SULF1: variants seen among roughly 807,000 people sequenced by gnomAD.
The protein encoded by SULF1 is sulfatase 1.
A neutral mutation model predicts 110.5 loss-of-function variants in SULF1; 46 were observed. The observed-to-expected ratio is 0.42, with a 90% CI of 0.33 to 0.53. SULF1 has a LOEUF of 0.53. Among genes scored for constraint, SULF1 ranks in the 20% least tolerant of loss-of-function variants. SULF1 has a pLI of 0.12. For synonymous variants in SULF1, 371 were observed against 387.1 expected (o/e 0.96, Z 0.49); for missense variants, 941 against 1,094.2 (o/e 0.86, Z 1.98).
At chr8:69,602,156 A>AT (rs1295473192) in intron 10 of SULF1, among the ~76,000 whole-genome samples, 2 of 152,098 alleles carry the variant, frequency 1.3e-5, no homozygotes, top group African/African-American at 2.4e-5. Flanking sequence ...ATACGCTGTC[A>AT]TTTAAAAAAA....
chr8:69,579,509 A>G (rs1805903111), intron 6 of SULF1, among the ~76,000 whole-genome samples: 2 of 148,436 alleles, frequency 1.3e-5, no homozygotes, highest in Admixed American at 6.8e-5. Flanking sequence ...AGATCGCACC[A>G]TTGCACTCCA....
At chr8:69,466,805 G>A (rs1808877402) in exon 1 of SULF1, 1 of 152,390 alleles carries the variant, frequency 6.6e-6, no homozygotes, top group East Asian at 1.9e-4. Flanking sequence ...TCACATTCGA[G>A]TGGGGATTAA....
intron 3 of SULF1, among the ~76,000 whole-genome samples, chr8:69,505,765 C>G (rs542971350): frequency 4.6e-5 from 7 of 152,166 alleles, no homozygotes; most frequent in African/African-American, 1.7e-4. Context: ...AAAGTAGACT[C>G]TTTTCCTTTG....
chr8:69,526,798 AAAGGAAGGAAGGAAGGAAGG>A (rs5892198), intron 3 of SULF1, among the ~76,000 whole-genome samples: 21 of 112,286 alleles, frequency 1.9e-4, no homozygotes, highest in South Asian at 3.6e-4. Flanking sequence ...GTCAAGAAAG[AAAGGAAGGAAGGAAGGAAGG>A]AAGGAAGGAA....
At chr8:69,559,318 T>C (rs1263209779) in intron 3 of SULF1, among the ~76,000 whole-genome samples, 2 of 152,246 alleles carry the variant, frequency 1.3e-5, no homozygotes, top group Non-Finnish European at 2.9e-5. Flanking sequence ...TTTTTATTCA[T>C]GTAAGATTTT....
intron 21 of SULF1, among the ~76,000 whole-genome samples, chr8:69,640,069 A>G (rs1811340036): frequency 6.6e-6 from 1 of 151,776 alleles, no homozygotes; most frequent in Non-Finnish European, 1.5e-5. Context: ...AATCTTACAA[A>G]AAAAAGAGAG....
At chr8:69,556,181 G>A (rs1815104558) in intron 3 of SULF1, among the ~76,000 whole-genome samples, 1 of 152,144 alleles carries the variant, frequency 6.6e-6, no homozygotes, top group Non-Finnish European at 1.5e-5. Context: ...TGTAGAGAAA[G>A]AGAAAGAAAT....
chr8:69,589,228 T>C (rs1806692901), intron 8 of SULF1, 87 bp downstream of exon 8: 1 of 1,321,272 alleles, frequency 7.6e-7, no homozygotes. Context: ...CCCGTTTCCT[T>C]CCACCCTGCG....
Position 69,621,020 on chromosome 8 carries a change from C to T in SULF1, c.1378-15C>T, listed in dbSNP as rs777315940. The T allele has an allele frequency of 8.2e-6, 13 of 1,583,046 alleles. No homozygotes were observed. Among genetic ancestry groups the T allele is most frequent in the African/African-American group, 4.0e-5 (3 of 74,286 alleles). ...GAGCAGAATCGGTAAACTGCTTTCACGTTGGCTTTTGCAGAAGTGGCAATG... is the reference window on the plus strand; with the variant it reads ...GAGCAGAATCGGTAAACTGCTTTCATGTTGGCTTTTGCAGAAGTGGCAATG... On this transcript the variant is annotated splice_polypyrimidine_tract_variant and intron_variant, in intron 13 of 22. Coordinates refer to ENST00000402687, the MANE Select transcript of SULF1 (RefSeq NM_001128205.2).
chr8:69,530,008 T>A (rs1244878753), intron 3 of SULF1, among the ~76,000 whole-genome samples: 1 of 152,186 alleles, frequency 6.6e-6, no homozygotes, highest in Admixed American at 6.5e-5. Context: ...AGTTTATTAA[T>A]GATCCTATTT....
intron 3 of SULF1, among the ~76,000 whole-genome samples, chr8:69,544,583 A>C (rs968785129): frequency 1.3e-5 from 2 of 152,222 alleles, no homozygotes; most frequent in Non-Finnish European, 1.5e-5. Flanking sequence ...ATCACTTTTT[A>C]AAATTCCTTT....
At position 69,621,223 on chromosome 8, in the gene SULF1, G is replaced by A. The variant is rs1809577499; in HGVS notation, c.1566G>A (p.Arg522=). Residue 522 remains arginine (R), a synonymous_variant, in exon 14 of 23, where the codon CGG becomes CGA. Transcript: ENST00000402687. ...GCAGAAGCCAAAGAAAGAGTCAACG[G>A]CAATTCTTGAGAAACCAGGGGACTC... ...RASRSQRKSQ[R]QFLRNQGTPK... is the part of the protein sequence containing the mutation. 1 of 1,613,554 alleles carries A rather than the reference G, an allele frequency of 6.2e-7. No homozygotes were observed. Among genetic ancestry groups the A allele is most frequent in the Non-Finnish European group, 8.5e-7 (1 of 1,179,708 alleles).
At chr8:69,469,801 G>A (rs2150528389) in intron 1 of SULF1, among the ~76,000 whole-genome samples, 1 of 152,320 alleles carries the variant, frequency 6.6e-6, no homozygotes, top group South Asian at 2.1e-4. Flanking sequence ...CAACATTTTG[G>A]GAGGCCGAGG....
At chr8:69,529,386 CG>C (rs1238976222) in intron 3 of SULF1, among the ~76,000 whole-genome samples, 3 of 152,182 alleles carry the variant, frequency 2.0e-5, no homozygotes, top group African/African-American at 7.2e-5. Context: ...GCTCTAACTA[CG>C]ACCTCTAACT....
intron 15 of SULF1, among the ~76,000 whole-genome samples, chr8:69,626,289 C>G (rs1467977019): frequency 1.3e-5 from 2 of 149,718 alleles, no homozygotes; most frequent in African/African-American, 4.9e-5. Flanking sequence ...AGAGCAGCTA[C>G]ATACAGAGTG....
At chr8:69,470,837 A>T (rs1005899203) in intron 1 of SULF1, among the ~76,000 whole-genome samples, 3 of 152,178 alleles carry the variant, frequency 2.0e-5, no homozygotes, top group African/African-American at 7.2e-5. Context: ...CCACAACCTC[A>T]GAAGTCTACC....
At chr8:69,619,314 ACT>A (rs1415206185) in intron 13 of SULF1, among the ~76,000 whole-genome samples, 1 of 152,218 alleles carries the variant, frequency 6.6e-6, no homozygotes, top group Non-Finnish European at 1.5e-5. Context: ...CTATATTTTA[ACT>A]CTGTGACAAC....
At chr8:69,498,317 T>A (rs907819257) in intron 2 of SULF1, among the ~76,000 whole-genome samples, 1 of 152,146 alleles carries the variant, frequency 6.6e-6, no homozygotes, top group Non-Finnish European at 1.5e-5. Context: ...GACAATTTAT[T>A]ATTGCTTGAG....
At chr8:69,604,145 G>A (rs1808040749) in intron 12 of SULF1, among the ~76,000 whole-genome samples, 1 of 152,154 alleles carries the variant, frequency 6.6e-6, no homozygotes, top group South Asian at 2.1e-4. Context: ...GCAAGAGAAT[G>A]ACGACTCCAC....
Sources: gnomAD v4.1 joint callset for allele counts (sites outside exome capture counted in the v4.1 genomes callset) on GRCh38, gnomAD v4.1.1 for gene constraint, MANE v1.5 for transcripts, NCBI Gene and HGNC (gene_info 2026-07-23, HGNC 2026-07-21) for gene names.